LRRTM4: variants seen among roughly 807,000 people sequenced by gnomAD.
The protein encoded by LRRTM4 is leucine-rich repeat transmembrane neuronal protein 4.
Under a neutral mutation model 47.6 loss-of-function variants are expected in LRRTM4, and 25 were observed. The ratio of observed to expected loss-of-function variants is 0.53; its 90% CI spans 0.38 to 0.73. The LOEUF is 0.73. Ranked by LOEUF, LRRTM4 falls within the 30% of genes least tolerant of loss-of-function variation. LRRTM4 has a pLI of 0.00. For missense variants in LRRTM4, 638 were observed against 713.4 expected, an observed-to-expected ratio of 0.89 and a Z score of 1.20; for synonymous variants, 311 against 269.5, an observed-to-expected ratio of 1.15 and a Z score of -1.51.
chr2:77,183,000 A>AT (rs1673391871), intron 3 of LRRTM4, among the ~76,000 whole-genome samples: 1 of 152,236 alleles, frequency 6.6e-6, no homozygotes, highest in African/African-American at 2.4e-5. Flanking sequence ...AACCTAGGCA[A>AT]TACCATTCAG....
At chr2:77,049,584 T>C (rs1349791745) in intron 3 of LRRTM4, among the ~76,000 whole-genome samples, 3 of 152,038 alleles carry the variant, frequency 2.0e-5, no homozygotes, top group African/African-American at 4.8e-5. Flanking sequence ...GACCGTTTGT[T>C]TGTCTTCTAT....
intron 3 of LRRTM4, among the ~76,000 whole-genome samples, chr2:77,303,159 T>C (rs1677176627): frequency 6.6e-6 from 1 of 151,958 alleles, no homozygotes. Context: ...CTGAAATTTT[T>C]AGTCATCTGC....
At chr2:76,797,642 A>G (rs542104014) in intron 3 of LRRTM4, among the ~76,000 whole-genome samples, 1 of 151,656 alleles carries the variant, frequency 6.6e-6, no homozygotes, top group Admixed American at 6.6e-5. Context: ...AAATGGACTA[A>G]ATGCTCCAAT....
intron 3 of LRRTM4, among the ~76,000 whole-genome samples, chr2:76,972,915 A>T (rs778991675): frequency 2.0e-5 from 3 of 152,020 alleles, no homozygotes; most frequent in Non-Finnish European, 4.4e-5. Context: ...AAGGTTGTTA[A>T]CTCATAATTC....
rs75947876 is a variant in LRRTM4, at chr2:77,313,666, C to T, written c.1551+204652G>A. Among the ~76,000 whole-genome samples the T allele has an allele frequency of 4.7e-3, 708 of 152,224 alleles. 5 individuals carry two copies. The highest frequency in any genetic ancestry group is 0.016 in the African/African-American group (677 of 41,530). On this transcript the variant is annotated intron_variant, in intron 3 of 3. Transcript: ENST00000409884. ...AGCACATATTATCCCTCTTGTTAAT[C>T]AATTGTTATGATCATCTGTGTGGTA...
At chr2:77,253,833 C>G (rs1379921872) in intron 3 of LRRTM4, among the ~76,000 whole-genome samples, 2 of 151,484 alleles carry the variant, frequency 1.3e-5, no homozygotes, top group Non-Finnish European at 2.9e-5. Flanking sequence ...AAAAAAATAC[C>G]CTGGAGGGAG....
At chr2:77,349,816 TAC>T (rs1270497626) in intron 3 of LRRTM4, among the ~76,000 whole-genome samples, 3 of 152,116 alleles carry the variant, frequency 2.0e-5, no homozygotes, top group Non-Finnish European at 4.4e-5. Flanking sequence ...TCCAATTTAG[TAC>T]ATAAATAACA....
intron 3 of LRRTM4, among the ~76,000 whole-genome samples, chr2:77,363,649 A>G (rs1439461625): frequency 2.6e-5 from 4 of 152,338 alleles, no homozygotes; most frequent in Non-Finnish European, 1.5e-5. Flanking sequence ...TGAAATAAAT[A>G]GTAAATGACT....
intron 3 of LRRTM4, among the ~76,000 whole-genome samples, chr2:76,775,655 G>A (rs1297707835): frequency 6.6e-6 from 1 of 152,122 alleles, no homozygotes. Context: ...ATAGATAAGT[G>A]CAGTCCTGGT....
At chr2:77,059,684 GA>G (rs1333125657) in intron 3 of LRRTM4, among the ~76,000 whole-genome samples, 1 of 152,184 alleles carries the variant, frequency 6.6e-6, no homozygotes, top group Non-Finnish European at 1.5e-5. Context: ...CACATACAAT[GA>G]CAGTACAATA....
chr2:77,251,705 T>C (rs1675622092), intron 3 of LRRTM4, among the ~76,000 whole-genome samples: 1 of 152,180 alleles, frequency 6.6e-6, no homozygotes, highest in East Asian at 1.9e-4. Context: ...GTAGAGACTA[T>C]ATTTGAGCCA....
intron 3 of LRRTM4, among the ~76,000 whole-genome samples, chr2:76,926,725 T>A (rs1273150566): frequency 1.3e-5 from 2 of 152,120 alleles, no homozygotes; most frequent in African/African-American, 4.8e-5. Context: ...GAGATGATAC[T>A]ACCAGATGCC....
chr2:77,309,692 T>C (rs1573231070), intron 3 of LRRTM4, among the ~76,000 whole-genome samples: 2 of 140,264 alleles, frequency 1.4e-5, no homozygotes, highest in African/African-American at 5.5e-5. Flanking sequence ...GATAGATAGA[T>C]AGATAGATAG....
chr2:77,218,722 T>A (rs1054766558), intron 3 of LRRTM4, among the ~76,000 whole-genome samples: 3 of 152,202 alleles, frequency 2.0e-5, no homozygotes, highest in African/African-American at 7.2e-5. Flanking sequence ...AGGTATCTAA[T>A]GCTGCATATC....
At chr2:77,455,132 G>A (rs1310676154) in intron 3 of LRRTM4, among the ~76,000 whole-genome samples, 2 of 152,140 alleles carry the variant, frequency 1.3e-5, no homozygotes, top group South Asian at 2.1e-4. Flanking sequence ...AGGTTGCAGT[G>A]AGCTGAGATA....
chr2:77,362,164 A>AGAAAGAAAGAAAGAAG lies in LRRTM4; in HGVS notation c.1551+156153_1551+156154insCTTCTTTCTTTCTTTC, dbSNP rs1553434448. Among the ~76,000 whole-genome samples the AGAAAGAAAGAAAGAAG allele has an allele frequency of 4.0e-5, 6 of 151,474 alleles. 1 individual carries two copies. Among genetic ancestry groups the AGAAAGAAAGAAAGAAG allele is most frequent in the African/African-American group, 1.2e-4 (5 of 40,920 alleles). Reference sequence around the variant, plus strand: ...AAGAAAGAAAGAAAGAAAGAAAGAAAGAAAGAAAGGAAGGAAGGAAGAGTT... The same window carrying AGAAAGAAAGAAAGAAG: ...AAGAAAGAAAGAAAGAAAGAAAGAAAGAAAGAAAGAAAGAAGGAAAGAAAGGAAGGAAGGAAGAGTT... On this transcript the variant is annotated intron_variant, in intron 3 of 3. Coordinates refer to ENST00000409884, the MANE Select transcript of LRRTM4 (RefSeq NM_001134745.3).
intron 3 of LRRTM4, among the ~76,000 whole-genome samples, chr2:76,788,249 G>C (rs1048621182): frequency 2.0e-5 from 3 of 152,152 alleles, no homozygotes; most frequent in Admixed American, 2.0e-4. Flanking sequence ...AACAGCAATT[G>C]ACTATGCCTT....
intron 3 of LRRTM4, among the ~76,000 whole-genome samples, chr2:76,980,178 A>T (rs1401187364): frequency 2.0e-5 from 3 of 152,104 alleles, no homozygotes; most frequent in African/African-American, 7.2e-5. Context: ...ATTCAGCAAG[A>T]CAGAAAAATG....
chr2:77,142,430 T>TACAC lies in LRRTM4; in HGVS notation c.1551+375884_1551+375887dup, dbSNP rs71381264. ...GCTGCTGCTTGTTACCACACACACA[T>TACAC]ACACACACACACACACACACACACA... On this transcript the variant is annotated intron_variant, in intron 3 of 3. Transcript: ENST00000409884. 7.6e-4 allele frequency among the ~76,000 whole-genome samples: 110 copies of TACAC among 145,368 alleles called. No homozygotes were observed. In the South Asian group the frequency reaches 0.015, roughly 20 times the overall value.
Sources: allele counts gnomAD v4.1 joint callset (sites outside exome capture counted in the v4.1 genomes callset), GRCh38; gene constraint gnomAD v4.1.1; transcripts MANE v1.5; gene names NCBI Gene and HGNC (gene_info 2026-07-23, HGNC 2026-07-21).